Variants in TNFAIP1 observed in about 807,000 individuals in gnomAD.
TNFAIP1 encodes BTB/POZ domain-containing adapter for CUL3-mediated RhoA degradation protein 2.
In TNFAIP1, 20 loss-of-function variants were observed where a neutral mutation model predicts 32.6. That is an observed-to-expected ratio of 0.61 (90% CI 0.43 to 0.89). The LOEUF (loss-of-function observed/expected upper bound fraction) is 0.89. TNFAIP1 is among the 40% of genes least tolerant of loss of function. The pLI is 0.00. For missense variants in TNFAIP1, 319 were observed against 425.1 expected, an observed-to-expected ratio of 0.75 and a Z score of 2.20; for synonymous variants, 166 against 166.8, an observed-to-expected ratio of 1.00 and a Z score of 0.04.
At position 28,339,506 on chromosome 17, in the gene TNFAIP1, C is replaced by A; in HGVS notation, c.-16C>A. ...AGCCTACCTCCTGCCGTGTGGTGATCTACCTGCAGCGGGAGATGTCGGGGG... is the reference window on the plus strand; with the variant it reads ...AGCCTACCTCCTGCCGTGTGGTGATATACCTGCAGCGGGAGATGTCGGGGG... On this transcript the variant is annotated 5_prime_UTR_variant, in exon 2 of 7. Transcript: ENST00000226225. 6.3e-7 allele frequency: 1 copy of A among 1,579,772 alleles called. No homozygotes were observed. The highest frequency in any genetic ancestry group is 8.6e-7 in the Non-Finnish European group (1 of 1,162,188).
chr17:28,339,822 T>G, intron 2 of TNFAIP1, 96 bp downstream of exon 2: 1 of 1,321,252 alleles, frequency 7.6e-7, no homozygotes, highest in Non-Finnish European at 1.0e-6. Flanking sequence ...CCTCTTCACT[T>G]TATGTAGGGT....
chr17:28,339,805 C>A, intron 2 of TNFAIP1, 79 bp downstream of exon 2: 2 of 1,458,980 alleles, frequency 1.4e-6, no homozygotes, highest in South Asian at 1.3e-5. Context: ...AGAATTCAGT[C>A]ACTTTTCCTC....
rs1555578688 is a variant in TNFAIP1 at position 28,344,730 on chromosome 17, C to T, written c.*130C>T. 3.4e-6 allele frequency: 3 copies of T among 892,890 alleles called. No individual in the cohort carries two copies. The highest frequency in any genetic ancestry group is 1.6e-5 in the African/African-American group (1 of 60,642). The allele number at this position is 892,890 out of a possible 1,614,324, so 55.3% of individuals were successfully genotyped here. On this transcript the variant is annotated 3_prime_UTR_variant, in exon 7 of 7. Transcript: ENST00000226225. ...ACCCAGAGGCATGACAGGCCCTGCT[C>T]AGAGGTCAGAGGGTCTGGGCAGAGG...
Position 28,344,467 on chromosome 17 carries a change from G to A in TNFAIP1, c.818G>A (p.Ser273Asn). Residue 273 changes from serine to asparagine, a missense_variant, in exon 7 of 7, where the codon AGC becomes AAC. Physicochemically the swap from Ser to Asn is conservative, Grantham distance 46. Coordinates refer to ENST00000226225, the MANE Select transcript of TNFAIP1 (RefSeq NM_021137.5). ...DNSLLEATSRSRSQASPSEDE... is the reference protein window; with the variant it reads ...DNSLLEATSRNRSQASPSEDE... ...TCCTTGTTGGAGGCCACAAGCCGTA[G>A]CCGCAGCCAGGCTTCCCCCAGTGAA... 1.2e-6 allele frequency: 2 copies of A among 1,614,008 alleles called. No individual in the cohort carries two copies. The highest frequency in any genetic ancestry group is 1.7e-6 in the Non-Finnish European group (2 of 1,180,032).
At position 28,344,694 on chromosome 17, in the gene TNFAIP1, T is replaced by A. The variant is rs1907486577; in HGVS notation, c.*94T>A. ...ACCCCATGCTGCTGCTGCCTGGGTC[T>A]CTGCTCTAGCACCCAGAGGCATGAC... On this transcript the variant is annotated 3_prime_UTR_variant, in exon 7 of 7. Transcript: ENST00000226225. 3 of 1,284,386 alleles carry A rather than the reference T, an allele frequency of 2.3e-6. No homozygotes were observed. In the East Asian group the frequency reaches 7.0e-5, roughly 30 times the overall value. The allele number at this position is 1,284,386 out of a possible 1,614,324, so 79.6% of individuals were successfully genotyped here. A position where few individuals can be genotyped will look rare whatever the true frequency, so the allele number is the denominator to read the frequency against.
chr17:28,344,854 T>C lies in TNFAIP1; in HGVS notation c.*254T>C, dbSNP rs528330783. The C allele has an allele frequency of 1.8e-6, 1 of 541,156 alleles. No homozygotes were observed. The highest frequency in any genetic ancestry group is 3.2e-5 in the East Asian group (1 of 31,480). 33.5% of individuals were successfully genotyped at this position (541,156 alleles called of 1,614,324 possible). A position where few individuals can be genotyped will look rare whatever the true frequency, so the allele number is the denominator to read the frequency against. On this transcript the variant is annotated 3_prime_UTR_variant, in exon 7 of 7. Transcript: ENST00000226225. ...CCTTCCTGCCCGACGGAGCTGCTTC[T>C]GCTCCCTGGGGCATATGGACTGACC...
chr17:28,344,575 G>C lies in TNFAIP1; in HGVS notation c.926G>C (p.Gly309Ala), dbSNP rs1555578645. 1 of 1,613,204 alleles carries C rather than the reference G, an allele frequency of 6.2e-7. No homozygotes were observed. Among genetic ancestry groups the C allele is most frequent in the Non-Finnish European group, 8.5e-7 (1 of 1,180,030 alleles). Residue 309 changes from glycine (G) to alanine (A), a missense_variant, in exon 7 of 7, where the codon GGC becomes GCC. Physicochemically the swap from Gly to Ala is moderately conservative, Grantham distance 60 (BLOSUM62 0). Coordinates refer to ENST00000226225, the MANE Select transcript of TNFAIP1 (RefSeq NM_021137.5). ...AGCACTTACGATGACCGGCAGCTCGGCCACCAGTCTACCCATCGCGACTGA... is the reference window on the plus strand; with the variant it reads ...AGCACTTACGATGACCGGCAGCTCGCCCACCAGTCTACCCATCGCGACTGA... ...RYSTYDDRQLGHQSTHRD is the reference protein window; with the variant it reads ...RYSTYDDRQLAHQSTHRD
intron 1 of TNFAIP1, among the ~76,000 whole-genome samples, chr17:28,337,872 T>C (rs1270433363): frequency 6.6e-6 from 1 of 152,234 alleles, no homozygotes; most frequent in Non-Finnish European, 1.5e-5. Context: ...TCTGCTTATT[T>C]ATTTAAGTCC....
chr17:28,340,256 C>T lies in TNFAIP1; in HGVS notation c.206-53C>T. 1 of 1,592,110 alleles carries T rather than the reference C, an allele frequency of 6.3e-7. No individual in the cohort carries two copies. The highest frequency in any genetic ancestry group is 8.6e-7 in the Non-Finnish European group (1 of 1,164,924). On this transcript the variant is annotated intron_variant, in intron 2 of 6. Transcript: ENST00000226225. The surrounding 1 kb of genome is among the most constrained non-coding windows in gnomAD (Gnocchi z 4.1). ...CAGCTTGTCAGGTGGCCTTTGCCTG[C>T]CTCGGAGGTACCTGGCGGCAAACTA...
At position 28,344,955 on chromosome 17, in the gene TNFAIP1, C is replaced by T; in HGVS notation, c.*355C>T. ...CCTTAGGCCTCAGCTGGGGGAAAGG[C>T]AGTTCTGGTGCTGTAGAGGCCCTGG... On this transcript the variant is annotated 3_prime_UTR_variant, in exon 7 of 7. Transcript: ENST00000226225. 2 of 301,312 alleles carry T rather than the reference C, an allele frequency of 6.6e-6. No homozygotes were observed. Among genetic ancestry groups the T allele is most frequent in the South Asian group, 1.2e-4 (2 of 16,848 alleles). The allele number at this position is 301,312 out of a possible 1,614,324, so 18.7% of individuals were successfully genotyped here.
chr17:28,339,826 G>T, intron 2 of TNFAIP1, 100 bp downstream of exon 2: 1 of 1,298,190 alleles, frequency 7.7e-7, no homozygotes, highest in Non-Finnish European at 1.1e-6. Flanking sequence ...TTCACTTTAT[G>T]TAGGGTGTCT....
chr17:28,341,214 G>T (rs781859032), intron 3 of TNFAIP1, 23 bp from the exon 4 acceptor site: 16 of 1,613,350 alleles, frequency 9.9e-6, no homozygotes, highest in South Asian at 3.3e-5. Flanking sequence ...CCTAAAGAGG[G>T]TTCTCTGTTC....
chr17:28,345,363 G>A lies in TNFAIP1; in HGVS notation c.*763G>A, dbSNP rs1255117656. 4 of 151,774 alleles carry A rather than the reference G, an allele frequency of 2.6e-5. No homozygotes were observed. Among genetic ancestry groups the A allele is most frequent in the African/African-American group, 4.8e-5 (2 of 41,248 alleles). 9.4% of individuals were successfully genotyped at this position (151,774 alleles called of 1,614,324 possible). ...CCTGGCCAGCAGCTCAGAGTGCACC[G>A]AGGAGGGAAGGATGGCTAAGCTGGG... is the stretch of plus-strand genomic sequence containing the variant. On this transcript the variant is annotated 3_prime_UTR_variant, in exon 7 of 7. Coordinates refer to ENST00000226225, the MANE Select transcript of TNFAIP1 (RefSeq NM_021137.5).
In TNFAIP1 at chr17:28,341,461, G is replaced by T. The variant is rs782007362; in HGVS notation, c.518+5G>T. 10 of 1,614,108 alleles carry T rather than the reference G, an allele frequency of 6.2e-6. No homozygotes were observed. The highest frequency in any genetic ancestry group is 8.5e-6 in the Non-Finnish European group (10 of 1,180,010). On this transcript the variant is annotated splice_donor_5th_base_variant and intron_variant, in intron 5 of 6. Coordinates refer to ENST00000226225, the MANE Select transcript of TNFAIP1 (RefSeq NM_021137.5). ...CAACAAGTATTCCTACACCAGGTAGGGTGCGTCACAGGGCTCAACAGACAC... is the reference window on the plus strand; with the variant it reads ...CAACAAGTATTCCTACACCAGGTAGTGTGCGTCACAGGGCTCAACAGACAC...
rs1438121601 is a variant in TNFAIP1 at position 28,340,481 on chromosome 17, A to G, written c.375+3A>G. Reference sequence around the variant, plus strand: ...ATATGTGCCAGAGTGCCCTGCAGGTACATGGGTGGGGCGGAGCAGGGCGGG... The same window carrying G: ...ATATGTGCCAGAGTGCCCTGCAGGTGCATGGGTGGGGCGGAGCAGGGCGGG... On this transcript the variant is annotated splice_donor_region_variant and intron_variant, in intron 3 of 6. Coordinates refer to ENST00000226225, the MANE Select transcript of TNFAIP1 (RefSeq NM_021137.5). This position sits in a 1 kb window ranked among gnomAD's most constrained non-coding sequence, Gnocchi z 4.1. 3 of 1,613,288 alleles carry G rather than the reference A, an allele frequency of 1.9e-6. No homozygotes were observed. Among genetic ancestry groups the G allele is most frequent in the Non-Finnish European group, 2.5e-6 (3 of 1,179,588 alleles).
intron 1 of TNFAIP1, among the ~76,000 whole-genome samples, chr17:28,337,637 G>GAATC (rs1907224260): frequency 6.6e-6 from 1 of 152,090 alleles, no homozygotes; most frequent in African/African-American, 2.4e-5. Context: ...TAAAGTGCTA[G>GAATC]GATTACAGGT....
chr17:28,342,261 A>G lies in TNFAIP1; in HGVS notation c.533A>G (p.His178Arg). The change falls in exon 6 of 7, where the codon CAC (histidine) becomes CGC (arginine). Residue 178 changes from histidine to arginine, a missense_variant. Physicochemically the swap from His to Arg is conservative, Grantham distance 29. Coordinates refer to ENST00000226225, the MANE Select transcript of TNFAIP1 (RefSeq NM_021137.5). The surrounding 1 kb of genome is among the most constrained non-coding windows in gnomAD (Gnocchi z 4.0). ...GTTTTTTTCAGCAACTCTGACGACCACCTGCTGAAAAACATCGAGCTGTTT... is the reference window on the plus strand; with the variant it reads ...GTTTTTTTCAGCAACTCTGACGACCGCCTGCTGAAAAACATCGAGCTGTTT... ...KYSYTSNSDD[H>R]LLKNIELFDK... 6.3e-7 allele frequency: 1 copy of G among 1,581,628 alleles called. No individual in the cohort carries two copies. Among genetic ancestry groups the G allele is most frequent in the Non-Finnish European group, 8.7e-7 (1 of 1,153,300 alleles).
At chr17:28,341,121 C>G in intron 3 of TNFAIP1, 116 bp from the exon 4 acceptor site, 1 of 1,074,310 alleles carries the variant, frequency 9.3e-7, no homozygotes, top group Non-Finnish European at 1.4e-6. Context: ...TGATCTGTAT[C>G]TGACACTTCC....
At chr17:28,344,260 G>A (rs1457149850) in intron 6 of TNFAIP1, 104 bp from the exon 7 acceptor site, 6 of 972,582 alleles carry the variant, frequency 6.2e-6, no homozygotes, top group Admixed American at 1.9e-5. Context: ...CCTGTTTTAT[G>A]AGAGGTAGCG....
Sources: gnomAD v4.1 joint callset for allele counts (sites outside exome capture counted in the v4.1 genomes callset) on GRCh38, gnomAD v4.1.1 for gene constraint, Gnocchi (gnomAD v3.1) non-coding constraint, MANE v1.5 for transcripts, NCBI Gene and HGNC (gene_info 2026-07-23, HGNC 2026-07-21) for gene names.